The following SIAE variants were observed in gnomAD, a reference collection of about 807,000 sequenced individuals.
SIAE encodes sialic acid acetylesterase.
In SIAE, 39 loss-of-function variants were observed where a neutral mutation model predicts 52.6. That is an observed-to-expected ratio of 0.74 (90% confidence interval 0.57 to 0.97). The LOEUF (loss-of-function observed/expected upper bound fraction) is 0.97, where lower values mean the gene tolerates loss of function less well. Ranked by LOEUF, SIAE falls within the 50% of genes least tolerant of loss-of-function variation. The pLI, the probability that SIAE is intolerant of heterozygous loss-of-function variation, is 0.00. For synonymous variants in SIAE, 233 were observed against 241.4 expected, an observed-to-expected ratio of 0.97 and a Z score of 0.32; for missense variants, 592 against 662.1, an observed-to-expected ratio of 0.89 and a Z score of 1.16.
At chr11:124,659,063 C>CT (rs1943143974) in intron 3 of SIAE, 1 of 152,168 alleles carries the variant, frequency 6.6e-6, no homozygotes, top group Non-Finnish European at 1.5e-5. Context: ...TCCCCTATAT[C>CT]TCAGAGCTTA....
At chr11:124,646,311 T>A (rs1942933608) in intron 7 of SIAE, among the ~76,000 whole-genome samples, 1 of 152,194 alleles carries the variant, frequency 6.6e-6, no homozygotes, top group African/African-American at 2.4e-5. Flanking sequence ...ATCAACTACA[T>A]ACGTACTAGG....
intron 3 of SIAE, among the ~76,000 whole-genome samples, chr11:124,658,674 A>C (rs757275983): frequency 3.3e-5 from 5 of 152,222 alleles, no homozygotes; most frequent in Non-Finnish European, 7.3e-5. Context: ...CCTAACAACA[A>C]GATGGGCACA....
At chr11:124,672,333 C>G (rs572948462) in intron 1 of SIAE, among the ~76,000 whole-genome samples, 1 of 152,278 alleles carries the variant, frequency 6.6e-6, no homozygotes, top group Non-Finnish European at 1.5e-5. Flanking sequence ...TGGCGAGGAG[C>G]ACAATGGCAG....
At chr11:124,658,233 T>A (rs564961668) in intron 3 of SIAE, among the ~76,000 whole-genome samples, 1 of 147,782 alleles carries the variant, frequency 6.8e-6, no homozygotes, top group Admixed American at 6.6e-5. Context: ...TGTGAGTGTG[T>A]GTCTGTGCAC....
At chr11:124,651,223 C>A (rs1204593053) in intron 4 of SIAE, among the ~76,000 whole-genome samples, 1 of 152,074 alleles carries the variant, frequency 6.6e-6, no homozygotes, top group African/African-American at 2.4e-5. Flanking sequence ...ACACATGGAA[C>A]CTCTCCTCAT....
chr11:124,638,625 C>G lies in SIAE; in HGVS notation c.1237G>C (p.Glu413Gln). 6.2e-7 allele frequency: 1 copy of G among 1,614,122 alleles called. No individual in the cohort carries two copies. Among genetic ancestry groups the G allele is most frequent in the South Asian group, 1.1e-5 (1 of 91,074 alleles). ...AGCAGCCCCTTGTGAGCCAAGAGTT[C>G]TATCTTCTCAGGCAGTGGTCCTTCA... is the stretch of plus-strand genomic sequence containing the variant. ...TFEGPLPEKI[E>Q]LLAHKGLLNL... The change falls in exon 9 of 10, where the codon GAA becomes CAA. Residue 413 changes from glutamate (E) to glutamine (Q), a missense_variant. Coordinates refer to ENST00000263593, the MANE Select transcript of SIAE (RefSeq NM_170601.5).
rs1942675792 is a variant in SIAE, at chr11:124,634,377, T to G, written c.*2574A>C. On this transcript the variant is annotated 3_prime_UTR_variant, in exon 10 of 10. Transcript: ENST00000263593. ...CACCTTGAAAAACACTGCCTTAGTA[T>G]ACTTAAACTATCTTTTCATCTATCA... 1 of 152,178 alleles carries G rather than the reference T, an allele frequency of 6.6e-6. No individual in the cohort carries two copies. Among genetic ancestry groups the G allele is most frequent in the African/African-American group, 2.4e-5 (1 of 41,436 alleles). The allele number at this position is 152,178 out of a possible 1,614,324, so 9.4% of individuals were successfully genotyped here. A position where few individuals can be genotyped will look rare whatever the true frequency, so the allele number is the denominator to read the frequency against.
rs115013270 is a variant in SIAE, at chr11:124,637,931, T to G, written c.1320+611A>C. Among the ~76,000 whole-genome samples the G allele has an allele frequency of 2.5e-3, 387 of 152,316 alleles. 1 individual carries two copies. The highest frequency in any genetic ancestry group is 9.1e-3 in the African/African-American group (378 of 41,576). On this transcript the variant is annotated intron_variant, in intron 9 of 9. Coordinates refer to ENST00000263593, the MANE Select transcript of SIAE (RefSeq NM_170601.5). Reference sequence around the variant, plus strand: ...CACCCCTTCCCAACCTAAGGCCTCATGATTCCCAAAGTCACTCATTTAAAT... The same window carrying G: ...CACCCCTTCCCAACCTAAGGCCTCAGGATTCCCAAAGTCACTCATTTAAAT...
intron 4 of SIAE, 56 bp from the exon 5 acceptor site, chr11:124,649,852 C>T (rs2134367203): frequency 1.3e-6 from 2 of 1,585,822 alleles, no homozygotes; most frequent in Non-Finnish European, 1.7e-6. Context: ...TGGATACAAA[C>T]TGCAGCTGCT....
intron 7 of SIAE, among the ~76,000 whole-genome samples, chr11:124,644,900 C>CAA (rs1243175669): frequency 6.6e-6 from 1 of 152,182 alleles, no homozygotes; most frequent in Admixed American, 6.5e-5. Flanking sequence ...TCAAACTTAG[C>CAA]ACTTCTATGA....
chr11:124,664,542 C>T (rs1232555417), intron 2 of SIAE, among the ~76,000 whole-genome samples: 1 of 152,030 alleles, frequency 6.6e-6, no homozygotes, highest in Admixed American at 6.6e-5. Context: ...CCTCTAGTGG[C>T]CTATTTCTTA....
At chr11:124,642,004 C>T (rs1458245437) in intron 7 of SIAE, among the ~76,000 whole-genome samples, 3 of 145,620 alleles carry the variant, frequency 2.1e-5, no homozygotes, top group Non-Finnish European at 3.0e-5. Flanking sequence ...AAGGACTTAA[C>T]GCAGAGAGAC....
At position 124,648,098 on chromosome 11, in the gene SIAE, T is replaced by C; in HGVS notation, c.800A>G (p.Asn267Ser). The C allele has an allele frequency of 1.2e-6, 2 of 1,614,118 alleles. No homozygotes were observed. The highest frequency in any genetic ancestry group is 1.3e-5 in the African/African-American group (1 of 75,072). Residue 267 changes from asparagine to serine, a missense_variant, in exon 6 of 10, where the codon AAT becomes AGT. Asn to Ser is a conservative substitution (Grantham distance 46). Transcript: ENST00000263593. ...CCATACTACCCCTTTCAGAGTCATA[T>C]TGCACAGTGGATGGATCATGGCATT... ...LWNAMIHPLCNMTLKGVVWYQ... is the reference protein window; with the variant it reads ...LWNAMIHPLCSMTLKGVVWYQ...
chr11:124,669,347 T>C lies in SIAE; in HGVS notation c.229+13A>G. On this transcript the variant is annotated intron_variant, in intron 2 of 9. Coordinates refer to ENST00000263593, the MANE Select transcript of SIAE (RefSeq NM_170601.5). ...AAGAGGGCAATAGCTGAACGGAAGATGGGCTGCCTTACCTTTCACACTGGT... is the reference window on the plus strand; with the variant it reads ...AAGAGGGCAATAGCTGAACGGAAGACGGGCTGCCTTACCTTTCACACTGGT... 6.2e-7 allele frequency: 1 copy of C among 1,614,096 alleles called. No homozygotes were observed.
intron 7 of SIAE, among the ~76,000 whole-genome samples, chr11:124,646,686 C>G (rs1186522971): frequency 6.6e-6 from 1 of 152,168 alleles, no homozygotes; most frequent in Non-Finnish European, 1.5e-5. Context: ...CAAAGCCTTA[C>G]AAAGGTGTAC....
intron 4 of SIAE, 51 bp downstream of exon 4, chr11:124,654,604 T>A (rs1205075533): frequency 6.2e-7 from 1 of 1,613,698 alleles, no homozygotes. Flanking sequence ...AGATTCCACT[T>A]AGGGCGCTAA....
Position 124,647,451 on chromosome 11 carries a change from G to A in SIAE, c.880C>T (p.Pro294Ser), listed in dbSNP as rs1942953437. ...YNTDLYNCTF[P>S]ALIEDWRETF... Reference sequence around the variant, plus strand: ...TCACGCCAGTCTTCGATGAGTGCAGGGAATGTGCAATTGTACAGATCCGTG... The same window carrying A: ...TCACGCCAGTCTTCGATGAGTGCAGAGAATGTGCAATTGTACAGATCCGTG... The change falls in exon 7 of 10, where the codon CCT becomes TCT. Residue 294 changes from proline to serine, a missense_variant. Physicochemically the swap from Pro to Ser is moderately conservative, Grantham distance 74 (BLOSUM62 -1). Transcript: ENST00000263593. 1 of 1,614,034 alleles carries A rather than the reference G, an allele frequency of 6.2e-7. No individual in the cohort carries two copies. Among genetic ancestry groups the A allele is most frequent in the East Asian group, 2.2e-5 (1 of 44,896 alleles).
Position 124,645,953 on chromosome 11 carries a change from G to A in SIAE, c.966+1412C>T, listed in dbSNP as rs188449231. 1.3e-5 allele frequency among the ~76,000 whole-genome samples: 2 copies of A among 152,330 alleles called. No homozygotes were observed. The highest frequency in any genetic ancestry group is 1.9e-4 in the East Asian group (1 of 5,176). On this transcript the variant is annotated intron_variant, in intron 7 of 9. Transcript: ENST00000263593. This position sits in a 1 kb window ranked among gnomAD's most constrained non-coding sequence, Gnocchi z 4.7. The stretch of plus-strand genomic sequence containing the variant: ...AAGGTAGGGGAGTGGGGAGGATGGT[G>A]AGAAGTCATCTGTGGGGCGTGCGGA...
chr11:124,666,559 C>G (rs544377414), intron 2 of SIAE, among the ~76,000 whole-genome samples: 2 of 152,210 alleles, frequency 1.3e-5, no homozygotes, highest in Non-Finnish European at 2.9e-5. Context: ...CCACCACCAC[C>G]AATAACATCA....
Sources: allele counts gnomAD v4.1 joint callset (sites outside exome capture counted in the v4.1 genomes callset), GRCh38; gene constraint gnomAD v4.1.1; non-coding constraint Gnocchi (gnomAD v3.1); transcripts MANE v1.5; gene names NCBI Gene and HGNC (gene_info 2026-07-23, HGNC 2026-07-21).